The following LAMA2 variants were observed in gnomAD, a reference collection of about 807,000 sequenced individuals.
LAMA2 encodes the protein laminin subunit alpha-2.
In LAMA2, 269 loss-of-function variants were observed where a neutral mutation model predicts 364.8. The ratio of observed to expected loss-of-function variants is 0.74; its 90% CI spans 0.67 to 0.82. The LOEUF (loss-of-function observed/expected upper bound fraction) is 0.82. Ranked by LOEUF, LAMA2 falls within the 40% of genes least tolerant of loss-of-function variation. The pLI is 0.00. For synonymous variants in LAMA2, 1,379 were observed against 1,370.6 expected (o/e 1.01, Z -0.14); for missense variants, 3,807 against 3,873.2 (o/e 0.98, Z 0.45).
At chr6:129,158,170 A>G (rs1286742291) in intron 8 of LAMA2, 3 of 1,613,140 alleles carry the variant, frequency 1.9e-6, no homozygotes, top group Non-Finnish European at 2.5e-6. Flanking sequence ...AGGAAGTCAT[A>G]GAGAGATCCA....
In LAMA2 at chr6:129,315,883, T is replaced by A; in HGVS notation, c.3857T>A (p.Ile1286Asn). ...GGTGGGACACCTACTCATGCTAGAA[T>A]TATCGTCAGGCATATGGCTGCTCCT... Reference protein sequence around the residue: ...IRGGTPTHARIIVRHMAAPLI... With the variant: ...IRGGTPTHARNIVRHMAAPLI... Residue 1286 changes from isoleucine (I) to asparagine (N), a missense_variant, in exon 26 of 65, where the codon ATT becomes AAT. Ile to Asn is a moderately radical substitution (Grantham distance 149, BLOSUM62 -3). This residue lies in a region of LAMA2 where 3,333 missense variants were observed against 3,345.7 expected (regional missense o/e 1.00). Coordinates refer to ENST00000421865, the MANE Select transcript of LAMA2 (RefSeq NM_000426.4). The A allele has an allele frequency of 6.2e-7, 1 of 1,614,154 alleles. No homozygotes were observed. Among genetic ancestry groups the A allele is most frequent in the Middle Eastern group, 1.6e-4 (1 of 6,062 alleles).
chr6:129,314,287 T>G (rs1774417719), intron 23 of LAMA2, among the ~76,000 whole-genome samples: 1 of 151,646 alleles, frequency 6.6e-6, no homozygotes, highest in African/African-American at 2.4e-5. Context: ...TAGTCCCATC[T>G]ACTCGGAAGG....
At chr6:129,303,120 A>G (rs956992839) in intron 22 of LAMA2, among the ~76,000 whole-genome samples, 9 of 152,256 alleles carry the variant, frequency 5.9e-5, no homozygotes, top group East Asian at 3.9e-4. Context: ...TTAGGTTGTT[A>G]TAATTTTTTC....
chr6:129,245,055 T>C (rs265384), intron 12 of LAMA2, among the ~76,000 whole-genome samples: 99,768 of 151,954 alleles, frequency 0.66, 34,502 homozygotes, highest in Non-Finnish European at 0.77. Context: ...TGGCTTAGCC[T>C]AGAACCATCT....
intron 17 of LAMA2, among the ~76,000 whole-genome samples, chr6:129,276,615 A>G (rs1027669946): frequency 6.6e-6 from 1 of 152,036 alleles, no homozygotes; most frequent in Non-Finnish European, 1.5e-5. Flanking sequence ...CTATTGAGCA[A>G]TTGTTTTGCT....
chr6:129,475,293 A>G, intron 52 of LAMA2, 97 bp from the exon 53 acceptor site: 1 of 768,318 alleles, frequency 1.3e-6, no homozygotes, highest in South Asian at 1.9e-5. Flanking sequence ...TTTTTTAAAG[A>G]TTTATGATTA....
At chr6:129,286,101 A>G (rs962668849) in intron 18 of LAMA2, among the ~76,000 whole-genome samples, 3 of 152,096 alleles carry the variant, frequency 2.0e-5, no homozygotes, top group South Asian at 4.1e-4. Context: ...AACCATTTTT[A>G]TTTCAAATGG....
At chr6:129,021,861 C>G (rs17056726) in intron 1 of LAMA2, among the ~76,000 whole-genome samples, 26,570 of 152,078 alleles carry the variant, frequency 0.17, 2,790 homozygotes, top group African/African-American at 0.29. Flanking sequence ...AAGACTAATT[C>G]GGAATGCTAC....
intron 58 of LAMA2, among the ~76,000 whole-genome samples, chr6:129,494,809 A>G (rs751673057): frequency 1.8e-4 from 28 of 152,218 alleles, no homozygotes; most frequent in Non-Finnish European, 3.4e-4. Flanking sequence ...AGCAAAGGTA[A>G]GGTTAATGAT....
intron 4 of LAMA2, among the ~76,000 whole-genome samples, chr6:129,106,794 A>G (rs964071769): frequency 6.6e-6 from 1 of 151,072 alleles, no homozygotes; most frequent in East Asian, 1.9e-4. Context: ...TAAAATAAAG[A>G]TAAAATTAAG....
chr6:129,306,788 T>G (rs944482892), intron 22 of LAMA2, among the ~76,000 whole-genome samples: 2 of 152,128 alleles, frequency 1.3e-5, no homozygotes, highest in African/African-American at 2.4e-5. Context: ...TATTTTTTTA[T>G]CTTTTAAATT....
chr6:129,149,794 T>C (rs559211349), intron 7 of LAMA2, among the ~76,000 whole-genome samples: 27 of 152,318 alleles, frequency 1.8e-4, no homozygotes, highest in African/African-American at 6.0e-4. Flanking sequence ...ACCTTTTTCT[T>C]ATTATTATTT....
At chr6:129,302,479 T>A (rs1773607530) in intron 22 of LAMA2, among the ~76,000 whole-genome samples, 1 of 152,082 alleles carries the variant, frequency 6.6e-6, no homozygotes, top group Non-Finnish European at 1.5e-5. Context: ...CATCATCTAA[T>A]CTTTATAAAC....
At chr6:129,202,668 T>C (rs1235577410) in intron 12 of LAMA2, among the ~76,000 whole-genome samples, 2 of 152,164 alleles carry the variant, frequency 1.3e-5, no homozygotes, top group Admixed American at 1.3e-4. Flanking sequence ...CAGAATACAA[T>C]ACAGAGATAT....
chr6:129,327,708 A>G (rs1775384408), intron 28 of LAMA2, among the ~76,000 whole-genome samples: 1 of 152,180 alleles, frequency 6.6e-6, no homozygotes, highest in African/African-American at 2.4e-5. Flanking sequence ...TCAGATTTTT[A>G]TTGCAAAAAG....
intron 1 of LAMA2, among the ~76,000 whole-genome samples, chr6:129,039,180 AC>A (rs1296228922): frequency 5.3e-5 from 8 of 152,246 alleles, no homozygotes; most frequent in African/African-American, 1.4e-4. Flanking sequence ...TAAGTAATAT[AC>A]GGACACCAAG....
intron 30 of LAMA2, among the ~76,000 whole-genome samples, chr6:129,346,268 T>C (rs1428964230): frequency 6.6e-6 from 1 of 152,166 alleles, no homozygotes; most frequent in Non-Finnish European, 1.5e-5. Context: ...TAATGCCAAG[T>C]TTGGCATTTC....
intron 3 of LAMA2, among the ~76,000 whole-genome samples, chr6:129,063,595 G>T (rs1255683956): frequency 1.3e-5 from 2 of 152,108 alleles, no homozygotes; most frequent in African/African-American, 4.8e-5. Context: ...CCATTAATTA[G>T]TTAAGCTCAT....
Position 129,505,362 on chromosome 6 carries a change from A to G in LAMA2, c.8703+7A>G, listed in dbSNP as rs1352450454. 2 of 1,606,896 alleles carry G rather than the reference A, an allele frequency of 1.2e-6. No homozygotes were observed. Among genetic ancestry groups the G allele is most frequent in the Admixed American group, 3.3e-5 (2 of 59,996 alleles). ...TACCCGAAGAATTGGTCCAGTAAAT[A>G]TCTGATTTCTTCTTTATTACTTAAA... is the stretch of plus-strand genomic sequence containing the variant. On this transcript the variant is annotated splice_region_variant and intron_variant, in intron 61 of 64. Transcript: ENST00000421865.
Sources: gnomAD v4.1 joint callset for allele counts (sites outside exome capture counted in the v4.1 genomes callset) on GRCh38, gnomAD v4.1.1 for gene constraint, gnomAD v4.1.1 regional missense constraint, MANE v1.5 for transcripts, NCBI Gene and HGNC (gene_info 2026-07-23, HGNC 2026-07-21) for gene names.